The following IQGAP1 variants were observed in gnomAD, a reference collection of about 807,000 sequenced individuals.
The protein encoded by IQGAP1 is IQ motif containing GTPase activating protein 1, also known as ras GTPase-activating-like protein IQGAP1.
In IQGAP1, 66 loss-of-function variants were observed where a neutral mutation model predicts 215.6. The ratio of observed to expected loss-of-function variants is 0.31; its 90% confidence interval spans 0.25 to 0.38. IQGAP1 has a LOEUF of 0.38. IQGAP1 is among the 10% of genes least tolerant of loss of function. The probability of loss-of-function intolerance (pLI) is 1.00; values close to 1 mark genes in which losing one functional copy is unlikely to be tolerated. For synonymous variants in IQGAP1, 772 were observed against 728.7 expected (o/e 1.06, Z -0.96); for missense variants, 1,712 against 1,997.1 (o/e 0.86, Z 2.72).
intron 15 of IQGAP1, among the ~76,000 whole-genome samples, chr15:90,460,873 C>G (rs1336966386): frequency 6.6e-6 from 1 of 151,732 alleles, no homozygotes; most frequent in African/African-American, 2.4e-5. Flanking sequence ...GTGGTGTGCA[C>G]CTGTGGTCCC....
In IQGAP1 at chr15:90,441,558, C is replaced by T. The variant is rs144196846; in HGVS notation, c.702C>T (p.Ala234=). ...INEAIDRRIP[A]DTFAALKNPN... ...AAGCTATTGACCGTAGAATTCCAGC[C>T]GACACATTTGCAGCTTTGAAAAATC... The change falls in exon 8 of 38, where the codon GCC becomes GCT. Residue 234 remains alanine (A), a synonymous_variant. Transcript: ENST00000268182. 2.0e-4 allele frequency: 330 copies of T among 1,613,550 alleles called. No homozygotes were observed. The highest frequency in any genetic ancestry group is 4.2e-4 in the East Asian group (19 of 44,892).
chr15:90,433,702 C>G lies in IQGAP1; in HGVS notation c.391-17C>G, dbSNP rs1389463465. Reference sequence around the variant, plus strand: ...AGTGAATGGATATCTTACTCTGTTTCTTTTATTTCTCCCTAGATTTTTTAC... The same window carrying G: ...AGTGAATGGATATCTTACTCTGTTTGTTTTATTTCTCCCTAGATTTTTTAC... On this transcript the variant is annotated splice_polypyrimidine_tract_variant and intron_variant, in intron 4 of 37. Coordinates refer to ENST00000268182, the MANE Select transcript of IQGAP1 (RefSeq NM_003870.4). 2 of 1,480,290 alleles carry G rather than the reference C, an allele frequency of 1.4e-6. No individual in the cohort carries two copies. Among genetic ancestry groups the G allele is most frequent in the South Asian group, 2.3e-5 (2 of 85,658 alleles). 91.7% of individuals were successfully genotyped at this position (1,480,290 alleles called of 1,614,324 possible). A position where few individuals can be genotyped will look rare whatever the true frequency, so the allele number is the denominator to read the frequency against.
chr15:90,470,241 C>G (rs566842959), intron 18 of IQGAP1, among the ~76,000 whole-genome samples: 1 of 152,244 alleles, frequency 6.6e-6, no homozygotes, highest in South Asian at 2.1e-4. Flanking sequence ...TTCACTGATT[C>G]CTTCTTCATT....
chr15:90,424,563 A>T (rs144316913), intron 2 of IQGAP1, among the ~76,000 whole-genome samples: 139 of 152,336 alleles, frequency 9.1e-4, no homozygotes, highest in Non-Finnish European at 1.8e-3. Context: ...TGAGCTGGGA[A>T]CGGTGGCTTA....
chr15:90,496,145 G>C (rs1201420169), intron 36 of IQGAP1, among the ~76,000 whole-genome samples: 1 of 151,810 alleles, frequency 6.6e-6, no homozygotes, highest in Non-Finnish European at 1.5e-5. Context: ...AGATGCATGT[G>C]TGTTTCAGTG....
At chr15:90,398,086 A>G (rs373758780) in intron 2 of IQGAP1, among the ~76,000 whole-genome samples, 1 of 150,210 alleles carries the variant, frequency 6.7e-6, no homozygotes, top group East Asian at 2.0e-4. Flanking sequence ...GGGTTTCACC[A>G]TGTTGGCCAG....
At chr15:90,427,956 T>A (rs1965248449) in intron 3 of IQGAP1, among the ~76,000 whole-genome samples, 1 of 152,186 alleles carries the variant, frequency 6.6e-6, no homozygotes, top group South Asian at 2.1e-4. Context: ...TATGTTTAAA[T>A]TCAAGGGAAA....
At chr15:90,452,676 T>C in intron 11 of IQGAP1, 99 bp from the exon 12 acceptor site, 1 of 1,353,638 alleles carries the variant, frequency 7.4e-7, no homozygotes, top group South Asian at 1.4e-5. Context: ...TCATGGCTGA[T>C]AGCCACAGAA....
chr15:90,483,078 G>T, intron 28 of IQGAP1: 1 of 343,096 alleles, frequency 2.9e-6, no homozygotes, highest in Non-Finnish European at 5.4e-6. Flanking sequence ...CAGACTTTAA[G>T]TGTGTCATTT....
At chr15:90,415,377 C>G (rs775545312) in intron 2 of IQGAP1, among the ~76,000 whole-genome samples, 16 of 152,018 alleles carry the variant, frequency 1.1e-4, no homozygotes, top group African/African-American at 1.4e-4. Context: ...AGTAACCTTT[C>G]CTGTTAAAGT....
Position 90,500,610 on chromosome 15 carries a change from G to C in IQGAP1, c.*502G>C, listed in dbSNP as rs922839699. 2.0e-5 allele frequency: 3 copies of C among 152,304 alleles called. No individual in the cohort carries two copies. Among genetic ancestry groups the C allele is most frequent in the African/African-American group, 7.2e-5 (3 of 41,444 alleles). The allele number at this position is 152,304 out of a possible 1,614,324, so 9.4% of individuals were successfully genotyped here. A position where few individuals can be genotyped will look rare whatever the true frequency, so the allele number is the denominator to read the frequency against. On this transcript the variant is annotated 3_prime_UTR_variant, in exon 38 of 38. Transcript: ENST00000268182. ...GTTCCTTTATATTTCTGTCCCATCA[G>C]GAAAACTGAAGGATATGGGGAATCA... is the stretch of plus-strand genomic sequence containing the variant.
intron 33 of IQGAP1, 127 bp downstream of exon 33, chr15:90,487,709 G>T (rs1470741253): frequency 6.1e-6 from 4 of 654,626 alleles, no homozygotes; most frequent in Non-Finnish European, 1.1e-5. Context: ...AATGTAACTG[G>T]GGGACAGTGG....
chr15:90,474,073 A>G lies in IQGAP1; in HGVS notation c.2515A>G (p.Ile839Val), dbSNP rs749575386. ...LQYFRDHIND[I>V]IKIQAFIRAN... ...CTTTTTTGTTCCTTAGATAAATGAC[A>G]TTATCAAAATCCAGGCTTTTATTCG... Residue 839 changes from isoleucine to valine, a missense_variant, in exon 22 of 38, where the codon ATT (isoleucine) becomes GTT (valine). Transcript: ENST00000268182. 1.2e-6 allele frequency: 2 copies of G among 1,613,214 alleles called. No homozygotes were observed. The highest frequency in any genetic ancestry group is 4.5e-5 in the East Asian group (2 of 44,872).
Position 90,472,997 on chromosome 15 carries a change from T to C in IQGAP1, c.2336T>C (p.Ile779Thr). Reference protein sequence around the residue: ...MNFLKKQIPAITCIQSQWRGY... With the variant: ...MNFLKKQIPATTCIQSQWRGY... ...TTCCTGAAGAAACAAATCCCTGCCA[T>C]CACCTGCATTCAGGTATTTCAGAAC... Residue 779 changes from isoleucine (I) to threonine (T), a missense_variant, in exon 19 of 38, where the codon ATC becomes ACC. Physicochemically the swap from Ile to Thr is moderately conservative, Grantham distance 89 (BLOSUM62 -1). Around this residue, in one of 2 missense-constraint regions of IQGAP1, gnomAD observed 1,021 missense variants for 1,074.2 expected, o/e 0.95. Transcript: ENST00000268182. 1 of 1,613,992 alleles carries C rather than the reference T, an allele frequency of 6.2e-7. No homozygotes were observed. Among genetic ancestry groups the C allele is most frequent in the Non-Finnish European group, 8.5e-7 (1 of 1,179,906 alleles).
intron 15 of IQGAP1, among the ~76,000 whole-genome samples, chr15:90,458,640 A>G (rs915877315): frequency 6.6e-6 from 1 of 152,232 alleles, no homozygotes; most frequent in African/African-American, 2.4e-5. Flanking sequence ...CATTGTTCTG[A>G]TGACCAGCCA....
intron 15 of IQGAP1, among the ~76,000 whole-genome samples, chr15:90,458,040 T>C (rs78052603): frequency 1.3e-5 from 2 of 152,164 alleles, no homozygotes; most frequent in Admixed American, 1.3e-4. Context: ...TCACTCATTT[T>C]CCCTTAATCT....
intron 2 of IQGAP1, among the ~76,000 whole-genome samples, chr15:90,424,352 G>C (rs1046362894): frequency 1.3e-5 from 2 of 152,002 alleles, no homozygotes; most frequent in Non-Finnish European, 2.9e-5. Flanking sequence ...AACTCTTCTG[G>C]AAAACTCATT....
intron 18 of IQGAP1, 93 bp from the exon 19 acceptor site, chr15:90,472,747 G>A: frequency 1.7e-6 from 2 of 1,153,092 alleles, no homozygotes; most frequent in South Asian, 1.5e-5. Context: ...GGAAGCAGGA[G>A]GTGTTAGCTT....
At chr15:90,405,927 AGTTAGTTT>A (rs1964871535) in intron 2 of IQGAP1, among the ~76,000 whole-genome samples, 1 of 152,066 alleles carries the variant, frequency 6.6e-6, no homozygotes. Flanking sequence ...GTTTTATGAT[AGTTAGTTT>A]ACATTCTCCG....
Sources: allele counts gnomAD v4.1 joint callset (sites outside exome capture counted in the v4.1 genomes callset), GRCh38; gene constraint gnomAD v4.1.1; regional missense constraint gnomAD v4.1.1; transcripts MANE v1.5; gene names NCBI Gene and HGNC (gene_info 2026-07-23, HGNC 2026-07-21).